Variants in PEPD observed in about 807,000 individuals in gnomAD.
PEPD encodes xaa-Pro dipeptidase.
PEPD carries 53 observed loss-of-function variants against 60.7 expected under a neutral mutation model. The observed-to-expected ratio is 0.87, with a 90% confidence interval of 0.70 to 1.10. The LOEUF (loss-of-function observed/expected upper bound fraction) is 1.10, where lower values mean the gene tolerates loss of function less well. Among genes scored for constraint, PEPD ranks in the 50% least tolerant of loss-of-function variants. PEPD has a pLI of 0.00. For synonymous variants in PEPD, 267 were observed against 284.1 expected, an observed-to-expected ratio of 0.94 and a Z score of 0.60; for missense variants, 711 against 711.9, an observed-to-expected ratio of 1.00 and a Z score of 0.01.
chr19:33,401,217 G>A (rs555405466), intron 12 of PEPD, among the ~76,000 whole-genome samples: 5 of 152,228 alleles, frequency 3.3e-5, no homozygotes, highest in African/African-American at 9.6e-5. Flanking sequence ...CAGGCCAGGC[G>A]GCCTTGCAGG....
chr19:33,491,945 T>C (rs1366481916), intron 5 of PEPD, among the ~76,000 whole-genome samples: 1 of 150,468 alleles, frequency 6.6e-6, no homozygotes, highest in Admixed American at 6.7e-5. Context: ...GGTCTTTGAA[T>C]AAATTTTGCT....
At chr19:33,416,077 G>A (rs372786253) in intron 9 of PEPD, among the ~76,000 whole-genome samples, 2 of 152,202 alleles carry the variant, frequency 1.3e-5, no homozygotes, top group African/African-American at 2.4e-5. Context: ...GTGTGAGCCC[G>A]GCGCGGCACA....
chr19:33,470,522 T>C (rs555187690), intron 7 of PEPD, among the ~76,000 whole-genome samples: 2 of 152,242 alleles, frequency 1.3e-5, no homozygotes, highest in East Asian at 1.9e-4. Context: ...CACCCTGGGC[T>C]AAATCCCTTC....
intron 1 of PEPD, among the ~76,000 whole-genome samples, chr19:33,518,222 G>T (rs1284165348): frequency 6.6e-6 from 1 of 152,172 alleles, no homozygotes; most frequent in Non-Finnish European, 1.5e-5. Flanking sequence ...GGATAGGGGT[G>T]CCAAGCATAC....
intron 1 of PEPD, among the ~76,000 whole-genome samples, chr19:33,513,944 A>AGCCCCTGCAGAAATGCCCCTTTCC (rs57039126): frequency 7.1e-6 from 1 of 140,490 alleles, no homozygotes; most frequent in African/African-American, 2.7e-5. Flanking sequence ...TACCCACCCC[A>AGCCCCTGCAGAAATGCCCCTTTCC]TCCCCCAGCT....
intron 12 of PEPD, among the ~76,000 whole-genome samples, chr19:33,392,832 C>T (rs548262349): frequency 7.2e-5 from 11 of 152,102 alleles, no homozygotes; most frequent in Non-Finnish European, 1.3e-4. Context: ...GCTCGGCTGG[C>T]GAACAGGGAT....
intron 5 of PEPD, among the ~76,000 whole-genome samples, chr19:33,492,569 A>T (rs1339481668): frequency 1.3e-5 from 2 of 152,196 alleles, no homozygotes; most frequent in Non-Finnish European, 2.9e-5. Context: ...TTATTTTTAA[A>T]TGTACAATAA....
At chr19:33,501,701 CTATTT>C (rs1046608050) in intron 3 of PEPD, among the ~76,000 whole-genome samples, 2 of 151,554 alleles carry the variant, frequency 1.3e-5, no homozygotes, top group Middle Eastern at 3.4e-3. Flanking sequence ...ATTATTATTA[CTATTT>C]TATTTTATGT....
At chr19:33,468,477 C>T (rs1970060522) in intron 7 of PEPD, among the ~76,000 whole-genome samples, 2 of 152,248 alleles carry the variant, frequency 1.3e-5, no homozygotes, top group South Asian at 4.1e-4. Flanking sequence ...CTGAGCTGGC[C>T]TCCATCGAGG....
chr19:33,474,791 G>T (rs1162883503), intron 7 of PEPD, among the ~76,000 whole-genome samples: 1 of 152,030 alleles, frequency 6.6e-6, no homozygotes, highest in Non-Finnish European at 1.5e-5. Context: ...GGCCAGCCTG[G>T]GCAACACAGG....
At chr19:33,392,566 T>C (rs962193455) in intron 12 of PEPD, among the ~76,000 whole-genome samples, 6 of 152,130 alleles carry the variant, frequency 3.9e-5, no homozygotes, top group Non-Finnish European at 2.9e-5. Flanking sequence ...CCCCTATCAA[T>C]GTGCAGCTCA....
intron 7 of PEPD, among the ~76,000 whole-genome samples, chr19:33,466,542 C>T (rs1446431418): frequency 1.3e-5 from 2 of 152,148 alleles, no homozygotes; most frequent in African/African-American, 2.4e-5. Context: ...ACCACCAACA[C>T]AAGCGAACAA....
At chr19:33,403,782 A>G (rs111669928) in intron 11 of PEPD, among the ~76,000 whole-genome samples, 5,851 of 152,310 alleles carry the variant, frequency 0.038, 155 homozygotes, top group Non-Finnish European at 0.061. Flanking sequence ...AAACACCATA[A>G]GCAGTGTCAA....
At chr19:33,421,778 A>ATCCACT (rs1969025141) in intron 9 of PEPD, among the ~76,000 whole-genome samples, 1 of 152,064 alleles carries the variant, frequency 6.6e-6, no homozygotes, top group Non-Finnish European at 1.5e-5. Flanking sequence ...TACAGGTGTG[A>ATCCACT]GCCACTGTGC....
rs1262948982 is a variant in PEPD, at chr19:33,481,863, T to TA, written c.504-3774dup. Among the ~76,000 whole-genome samples, 12 of 150,980 alleles carry TA rather than the reference T, an allele frequency of 7.9e-5. No homozygotes were observed. The East Asian group carries it at 1.8e-3, about 22-fold the overall frequency. ...GGCAAAACCCCATCTCTACTAAAAATAAAAAAAATTAGCCCAGCGTGATGG... is the reference window on the plus strand; with the variant it reads ...GGCAAAACCCCATCTCTACTAAAAATAAAAAAAAATTAGCCCAGCGTGATGG... On this transcript the variant is annotated intron_variant, in intron 6 of 14. Transcript: ENST00000244137.
chr19:33,448,293 G>T (rs905795862), intron 9 of PEPD, among the ~76,000 whole-genome samples: 3 of 152,132 alleles, frequency 2.0e-5, no homozygotes, highest in African/African-American at 7.2e-5. Flanking sequence ...CACTAGATGC[G>T]CCCAGGACTT....
At chr19:33,503,978 C>T (rs1033059511) in intron 3 of PEPD, among the ~76,000 whole-genome samples, 33 of 152,264 alleles carry the variant, frequency 2.2e-4, no homozygotes, top group African/African-American at 7.7e-4. Flanking sequence ...AATGCATTCC[C>T]GCCCCTCCTG....
chr19:33,439,272 C>T (rs1969439309), intron 9 of PEPD, among the ~76,000 whole-genome samples: 2 of 152,236 alleles, frequency 1.3e-5, no homozygotes, highest in Admixed American at 1.3e-4. Flanking sequence ...TCCTGTGCCT[C>T]CTGGCCTTCC....
intron 9 of PEPD, among the ~76,000 whole-genome samples, chr19:33,419,926 G>A (rs1001096872): frequency 6.6e-6 from 1 of 152,198 alleles, no homozygotes; most frequent in Admixed American, 6.5e-5. Flanking sequence ...CAAGGGCAGC[G>A]GCCAAGACAG....
Sources: allele counts gnomAD v4.1 joint callset (sites outside exome capture counted in the v4.1 genomes callset), GRCh38; gene constraint gnomAD v4.1.1; transcripts MANE v1.5; gene names NCBI Gene and HGNC (gene_info 2026-07-23, HGNC 2026-07-21).